CDH12: variants seen among roughly 807,000 people sequenced by gnomAD.
The protein encoded by CDH12 is cadherin 12, also known as cadherin-12.
Under a neutral mutation model 74.1 loss-of-function variants are expected in CDH12, and 41 were observed. The observed-to-expected ratio is 0.55, with a 90% CI of 0.43 to 0.72. The LOEUF (loss-of-function observed/expected upper bound fraction) is 0.72. CDH12 is among the 30% of genes least tolerant of loss of function. The pLI is 0.00. For synonymous variants in CDH12, 399 were observed against 355.0 expected, an observed-to-expected ratio of 1.12 and a Z score of -1.39; for missense variants, 945 against 977.2, an observed-to-expected ratio of 0.97 and a Z score of 0.44.
At chr5:22,460,635 T>C (rs1040440245) in intron 2 of CDH12, among the ~76,000 whole-genome samples, 4 of 151,614 alleles carry the variant, frequency 2.6e-5, no homozygotes, top group African/African-American at 9.7e-5. Flanking sequence ...GTCTGGGAAA[T>C]GCAAATGTTA....
chr5:22,022,775 C>T (rs1738071332), intron 5 of CDH12, among the ~76,000 whole-genome samples: 1 of 152,084 alleles, frequency 6.6e-6, no homozygotes, highest in Admixed American at 6.6e-5. Context: ...CTAGAAGTCA[C>T]CTGTGACTTT....
In CDH12 at chr5:21,751,658, G is replaced by C; in HGVS notation, c.*79C>G. ...TGTGTGTGTGTGTGTGTGTGAGAGA[G>C]ATTTCTATTAATATTTGTGTTTCTT... On this transcript the variant is annotated 3_prime_UTR_variant, in exon 15 of 15. Transcript: ENST00000382254. 1 of 1,151,786 alleles carries C rather than the reference G, an allele frequency of 8.7e-7. No homozygotes were observed. The highest frequency in any genetic ancestry group is 2.0e-4 in the Middle Eastern group (1 of 4,938). 71.3% of individuals were successfully genotyped at this position (1,151,786 alleles called of 1,614,324 possible).
chr5:21,843,776 C>T, intron 7 of CDH12, among the ~76,000 whole-genome samples: 1 of 152,100 alleles, frequency 6.6e-6, no homozygotes, highest in East Asian at 1.9e-4. Flanking sequence ...TTCCAAGTCT[C>T]TTTACTAAGA....
rs1736721382 is a variant in CDH12 at position 22,003,383 on chromosome 5, CA to C, written c.232-27999del. ...AACTGAAATGATCTTAAAAGCCAAC[CA>C]TTACAATCATTAATACTCAAAGTAA... On this transcript the variant is annotated intron_variant, in intron 5 of 14. Coordinates refer to ENST00000382254, the MANE Select transcript of CDH12 (RefSeq NM_004061.5). Among the ~76,000 whole-genome samples the C allele has an allele frequency of 3.9e-5, 6 of 152,070 alleles. No homozygotes were observed. In the South Asian group the frequency reaches 1.2e-3, roughly 31 times the overall value.
At chr5:22,051,546 A>G (rs1740367645) in intron 5 of CDH12, among the ~76,000 whole-genome samples, 2 of 152,178 alleles carry the variant, frequency 1.3e-5, no homozygotes, top group Admixed American at 6.6e-5. Flanking sequence ...TGGCTACTCC[A>G]GTTAAAGAAC....
intron 1 of CDH12, among the ~76,000 whole-genome samples, chr5:22,539,585 A>C (rs1232756047): frequency 1.3e-5 from 2 of 152,212 alleles, no homozygotes; most frequent in Non-Finnish European, 2.9e-5. Context: ...GATGTATTAT[A>C]TGAAAATGCA....
chr5:22,032,845 C>G (rs1738916250), intron 5 of CDH12, among the ~76,000 whole-genome samples: 1 of 149,340 alleles, frequency 6.7e-6, no homozygotes, highest in African/African-American at 2.5e-5. Flanking sequence ...CGCACACACA[C>G]AAAGGAAGGA....
At chr5:21,994,213 C>G (rs1480000121) in intron 5 of CDH12, among the ~76,000 whole-genome samples, 1 of 151,980 alleles carries the variant, frequency 6.6e-6, no homozygotes, top group Non-Finnish European at 1.5e-5. Flanking sequence ...CAGATGGTCC[C>G]CACCTCATCT....
intron 1 of CDH12, among the ~76,000 whole-genome samples, chr5:22,844,483 C>G (rs1245299972): frequency 6.6e-6 from 1 of 152,050 alleles, no homozygotes; most frequent in African/African-American, 2.4e-5. Context: ...GACTTAGAGT[C>G]TATTAGATCA....
chr5:22,846,079 C>T (rs1415717676), intron 1 of CDH12, among the ~76,000 whole-genome samples: 1 of 152,032 alleles, frequency 6.6e-6, no homozygotes, highest in African/African-American at 2.4e-5. Flanking sequence ...TATTGTACCA[C>T]ATGTGGGTGG....
chr5:22,481,465 T>A (rs1071937), intron 2 of CDH12, among the ~76,000 whole-genome samples: 1 of 152,230 alleles, frequency 6.6e-6, no homozygotes, highest in East Asian at 1.9e-4. Context: ...AACCTAAAGC[T>A]ACAGATGAAT....
At chr5:22,416,236 G>A (rs982456037) in intron 2 of CDH12, among the ~76,000 whole-genome samples, 12 of 150,922 alleles carry the variant, frequency 8.0e-5, no homozygotes, top group South Asian at 2.1e-4. Context: ...CACCACGCCC[G>A]GCTAATTTTT....
intron 6 of CDH12, among the ~76,000 whole-genome samples, chr5:21,858,330 CATA>C (rs1485757497): frequency 6.6e-6 from 1 of 151,790 alleles, no homozygotes; most frequent in Non-Finnish European, 1.5e-5. Flanking sequence ...ACATTCATAT[CATA>C]ATAAAACTCT....
Position 22,743,710 on chromosome 5 carries a change from C to G in CDH12, c.-523+109348G>C, listed in dbSNP as rs542116267. 3.1e-3 allele frequency among the ~76,000 whole-genome samples: 468 copies of G among 152,160 alleles called. 8 individuals carry two copies. Among genetic ancestry groups the G allele is most frequent in the Non-Finnish European group, 9.3e-4 (63 of 67,984 alleles). On this transcript the variant is annotated intron_variant, in intron 1 of 14. Coordinates refer to ENST00000382254, the MANE Select transcript of CDH12 (RefSeq NM_004061.5). The stretch of plus-strand genomic sequence containing the variant: ...TAAATGCATATTAACTTATTAAAGA[C>G]AGAAAGACATTTTTAAAAATCTTTG...
intron 2 of CDH12, among the ~76,000 whole-genome samples, chr5:22,441,030 A>T (rs1744603834): frequency 6.6e-6 from 1 of 152,152 alleles, no homozygotes; most frequent in African/African-American, 2.4e-5. Flanking sequence ...CTGGTGCTTC[A>T]CACTTCTGGT....
chr5:21,956,086 G>GA (rs1485892767), intron 6 of CDH12, among the ~76,000 whole-genome samples: 1 of 151,680 alleles, frequency 6.6e-6, no homozygotes, highest in African/African-American at 2.4e-5. Context: ...TAATTGTAGA[G>GA]AAAAAACTAT....
At chr5:22,329,565 G>A (rs1739260828) in intron 3 of CDH12, among the ~76,000 whole-genome samples, 1 of 152,296 alleles carries the variant, frequency 6.6e-6, no homozygotes. Context: ...AATCAGGTGA[G>A]CAATCATAGT....
intron 3 of CDH12, among the ~76,000 whole-genome samples, chr5:22,267,634 A>T (rs1242902930): frequency 1.3e-5 from 2 of 152,140 alleles, no homozygotes; most frequent in Admixed American, 6.6e-5. Flanking sequence ...TCCAGAAAAA[A>T]ATTCTGATGG....
intron 6 of CDH12, among the ~76,000 whole-genome samples, chr5:21,875,894 G>A (rs1456711222): frequency 1.1e-5 from 1 of 94,142 alleles, no homozygotes; most frequent in Non-Finnish European, 2.1e-5. Context: ...TTCTTTGCGG[G>A]CATTTTTTTT....
Sources: allele counts gnomAD v4.1 joint callset (sites outside exome capture counted in the v4.1 genomes callset), GRCh38; gene constraint gnomAD v4.1.1; transcripts MANE v1.5; gene names NCBI Gene and HGNC (gene_info 2026-07-23, HGNC 2026-07-21).